The following CPQ variants were observed in gnomAD, a reference collection of about 807,000 sequenced individuals.
The protein encoded by CPQ is Ser-Met dipeptidase.
A neutral mutation model predicts 45.7 loss-of-function variants in CPQ; 37 were observed. The observed-to-expected ratio is 0.81, with a 90% CI of 0.62 to 1.07. The LOEUF is 1.07. Among genes scored for constraint, CPQ ranks in the 50% least tolerant of loss-of-function variants. CPQ has a pLI of 0.00. For synonymous variants in CPQ, 186 were observed against 205.8 expected (o/e 0.90, Z 0.82); for missense variants, 537 against 572.9 (o/e 0.94, Z 0.64).
At chr8:96,819,061 C>T (rs1317348557) in intron 2 of CPQ, among the ~76,000 whole-genome samples, 3 of 152,066 alleles carry the variant, frequency 2.0e-5, no homozygotes, top group Non-Finnish European at 4.4e-5. Flanking sequence ...TCCTCTACTC[C>T]GTAACTGAAA....
chr8:96,886,185 C>T (rs1563521061), intron 4 of CPQ, among the ~76,000 whole-genome samples: 1 of 152,142 alleles, frequency 6.6e-6, no homozygotes, highest in Non-Finnish European at 1.5e-5. Flanking sequence ...TTTTGCAGGA[C>T]CCAGAAGATC....
rs559956710 is a variant in CPQ, at chr8:96,794,353, A to T, written c.433+9023A>T. 1.4e-3 allele frequency among the ~76,000 whole-genome samples: 218 copies of T among 152,316 alleles called. 4 individuals carry two copies. Among genetic ancestry groups the T allele is most frequent in the Admixed American group, 0.011 (169 of 15,298 alleles). On this transcript the variant is annotated intron_variant, in intron 2 of 7. Transcript: ENST00000220763. Reference sequence around the variant, plus strand: ...CTTGTGCCCTCTGAAGCCGTGGTTCAGATTCTACATTGGCCCCTTTCAGCC... The same window carrying T: ...CTTGTGCCCTCTGAAGCCGTGGTTCTGATTCTACATTGGCCCCTTTCAGCC...
chr8:96,842,848 A>G (rs1811630702), intron 3 of CPQ, among the ~76,000 whole-genome samples: 2 of 151,934 alleles, frequency 1.3e-5, no homozygotes, highest in African/African-American at 4.8e-5. Context: ...AAAATGGGGG[A>G]AATATCTTCT....
intron 4 of CPQ, among the ~76,000 whole-genome samples, chr8:96,960,118 C>T (rs971183121): frequency 1.3e-5 from 2 of 152,068 alleles, no homozygotes; most frequent in Non-Finnish European, 2.9e-5. Flanking sequence ...AAGTATGACT[C>T]AAAAGTGGCC....
intron 1 of CPQ, among the ~76,000 whole-genome samples, chr8:96,782,910 C>T (rs141471628): frequency 7.2e-5 from 11 of 152,252 alleles, no homozygotes; most frequent in Admixed American, 2.6e-4. Flanking sequence ...ACAAGGATAG[C>T]CTTTACTACA....
Position 96,695,265 on chromosome 8 carries a change from C to T in CPQ, c.-35+49863C>T, listed in dbSNP as rs530047689. ...TAGAAAGCTGAAACTGGATCCCTTC[C>T]TTACACCTTATACAAAAATCAATTC... On this transcript the variant is annotated intron_variant, in intron 1 of 7. Transcript: ENST00000220763. 5.5e-3 allele frequency among the ~76,000 whole-genome samples: 819 copies of T among 147,822 alleles called. 2 individuals carry two copies. The highest frequency in any genetic ancestry group is 0.027 in the Middle Eastern group (8 of 292).
chr8:96,990,653 A>G (rs543112750), intron 5 of CPQ, among the ~76,000 whole-genome samples: 1 of 152,330 alleles, frequency 6.6e-6, no homozygotes, highest in Admixed American at 6.5e-5. Flanking sequence ...CAAACAAGAG[A>G]TAATTCCTAT....
chr8:96,966,288 C>G (rs1454453242), intron 5 of CPQ, among the ~76,000 whole-genome samples: 3 of 152,136 alleles, frequency 2.0e-5, no homozygotes, highest in Non-Finnish European at 1.5e-5. Flanking sequence ...GCAAATAAAA[C>G]TGAAGCAAAT....
At chr8:96,991,741 A>C (rs1809096689) in intron 5 of CPQ, among the ~76,000 whole-genome samples, 1 of 152,124 alleles carries the variant, frequency 6.6e-6, no homozygotes, top group South Asian at 2.1e-4. Flanking sequence ...GTACTGTATT[A>C]ACTGGTTGGT....
At chr8:96,743,831 A>G (rs1216852305) in intron 1 of CPQ, among the ~76,000 whole-genome samples, 41 of 152,308 alleles carry the variant, frequency 2.7e-4, no homozygotes, top group African/African-American at 5.3e-4. Context: ...CAGTCTGCCC[A>G]TTCTCAGATC....
intron 2 of CPQ, among the ~76,000 whole-genome samples, chr8:96,805,876 A>C (rs902108718): frequency 6.6e-6 from 1 of 151,718 alleles, no homozygotes; most frequent in African/African-American, 2.4e-5. Flanking sequence ...CCTCCACCAT[A>C]GAACTTGGTA....
At chr8:96,948,404 G>T (rs1414526718) in intron 4 of CPQ, among the ~76,000 whole-genome samples, 1 of 152,150 alleles carries the variant, frequency 6.6e-6, no homozygotes, top group African/African-American at 2.4e-5. Context: ...TTGACACAAT[G>T]GTTGTTTAAA....
At chr8:96,768,531 A>G (rs1161008974) in intron 1 of CPQ, among the ~76,000 whole-genome samples, 1 of 152,142 alleles carries the variant, frequency 6.6e-6, no homozygotes, top group East Asian at 1.9e-4. Context: ...GCAGAGAGCA[A>G]ATGTTAGGAT....
chr8:97,087,819 T>C (rs1008402189), intron 7 of CPQ, among the ~76,000 whole-genome samples: 8 of 152,224 alleles, frequency 5.3e-5, no homozygotes, highest in African/African-American at 1.9e-4. Flanking sequence ...TTTATATTCA[T>C]AGTCTGTACC....
chr8:97,115,741 A>G (rs772971410), intron 7 of CPQ, among the ~76,000 whole-genome samples: 58 of 152,194 alleles, frequency 3.8e-4, no homozygotes, highest in Non-Finnish European at 7.2e-4. Flanking sequence ...CATATTCATT[A>G]TGGCACAAGG....
intron 4 of CPQ, among the ~76,000 whole-genome samples, chr8:96,957,934 A>G (rs1490680880): frequency 1.3e-5 from 2 of 151,678 alleles, no homozygotes; most frequent in African/African-American, 4.9e-5. Context: ...TCTGGACTCA[A>G]GTATCCTCCT....
At chr8:96,690,278 C>T (rs1223566651) in intron 1 of CPQ, among the ~76,000 whole-genome samples, 1 of 152,110 alleles carries the variant, frequency 6.6e-6, no homozygotes, top group Non-Finnish European at 1.5e-5. Context: ...TCATCTCTAA[C>T]TGAGGCACAT....
In CPQ at chr8:97,043,583, G is replaced by A. The variant is rs546475501; in HGVS notation, c.1053+14089G>A. On this transcript the variant is annotated intron_variant, in intron 6 of 7. Transcript: ENST00000220763. ...GTTGATGCAGTTTCTTCCTAGCCTC[G>A]ATGGTCTTTACAATTTGGCATGATT... Among the ~76,000 whole-genome samples, 33 of 152,240 alleles carry A rather than the reference G, an allele frequency of 2.2e-4. No homozygotes were observed. The East Asian group carries it at 3.7e-3, about 17-fold the overall frequency.
In CPQ at chr8:96,933,580, G is replaced by A. The variant is rs149761983; in HGVS notation, c.850-32355G>A. Reference sequence around the variant, plus strand: ...CACTAAATAAATGCTAAAACAGGGAGAGGAAGCACACAGGGCAGAGGAACA... The same window carrying A: ...CACTAAATAAATGCTAAAACAGGGAAAGGAAGCACACAGGGCAGAGGAACA... On this transcript the variant is annotated intron_variant, in intron 4 of 7. Transcript: ENST00000220763. Among the ~76,000 whole-genome samples, 697 of 152,284 alleles carry A rather than the reference G, an allele frequency of 4.6e-3. 6 individuals are homozygous for A. Among genetic ancestry groups the A allele is most frequent in the Non-Finnish European group, 7.0e-3 (478 of 68,032 alleles).
Sources: gnomAD v4.1 joint callset for allele counts (sites outside exome capture counted in the v4.1 genomes callset) on GRCh38, gnomAD v4.1.1 for gene constraint, MANE v1.5 for transcripts, NCBI Gene and HGNC (gene_info 2026-07-23, HGNC 2026-07-21) for gene names.